The following AHCYL1 variants were observed in gnomAD, a reference collection of about 807,000 sequenced individuals.
AHCYL1 encodes adenosylhomocysteinase like 1.
In AHCYL1, 20 loss-of-function variants were observed where a neutral mutation model predicts 79.3. The observed-to-expected ratio is 0.25, with a 90% confidence interval of 0.18 to 0.37. AHCYL1 has a LOEUF of 0.37. Ranked by LOEUF, AHCYL1 falls within the 10% of genes least tolerant of loss-of-function variation. AHCYL1 has a pLI of 1.00. For synonymous variants in AHCYL1, 223 were observed against 242.2 expected (o/e 0.92, Z 0.74); for missense variants, 330 against 673.6 (o/e 0.49, Z 5.65).
At chr1:109,985,415 G>T (rs890767858) in intron 1 of AHCYL1, 1 of 1,243,166 alleles carries the variant, frequency 8.0e-7, no homozygotes, top group Non-Finnish European at 1.0e-6. Flanking sequence ...ACAGGGCCAG[G>T]CCTTAAATTT....
intron 1 of AHCYL1, among the ~76,000 whole-genome samples, chr1:110,004,876 A>G (rs918026653): frequency 6.6e-6 from 1 of 152,234 alleles, no homozygotes; most frequent in Non-Finnish European, 1.5e-5. Flanking sequence ...TAAATTAACC[A>G]GAAAATATGT....
chr1:110,005,481 C>T (rs541755054), intron 1 of AHCYL1, among the ~76,000 whole-genome samples: 1 of 152,310 alleles, frequency 6.6e-6, no homozygotes, highest in South Asian at 2.1e-4. Context: ...TTTTAAGGGA[C>T]CGTGTTTCCT....
intron 1 of AHCYL1, among the ~76,000 whole-genome samples, chr1:109,996,884 G>A (rs112473004): frequency 6.6e-6 from 1 of 152,174 alleles, no homozygotes; most frequent in Non-Finnish European, 1.5e-5. Flanking sequence ...CATGGACCCA[G>A]GGCTAAGAAC....
At chr1:110,018,729 A>G in intron 13 of AHCYL1, 79 bp downstream of exon 13, 1 of 1,280,964 alleles carries the variant, frequency 7.8e-7, no homozygotes, top group Non-Finnish European at 1.1e-6. Context: ...AGGGAAACAA[A>G]TATTAGGCCT....
Position 109,988,809 on chromosome 1 carries a change from A to G in AHCYL1, c.120+3637A>G, listed in dbSNP as rs375574215. Among the ~76,000 whole-genome samples, 13 of 152,360 alleles carry G rather than the reference A, an allele frequency of 8.5e-5. No homozygotes were observed. In the South Asian group the frequency reaches 2.5e-3, roughly 29 times the overall value. ...GGATATTCTTTATTTGAATGAAGCT[A>G]TGTGCCACTAATTCATCAAAAGGGT... On this transcript the variant is annotated intron_variant, in intron 1 of 16. Coordinates refer to ENST00000369799, the MANE Select transcript of AHCYL1 (RefSeq NM_006621.7).
intron 1 of AHCYL1, among the ~76,000 whole-genome samples, chr1:110,003,356 G>GA (rs1358159829): frequency 6.6e-6 from 1 of 152,002 alleles, no homozygotes; most frequent in Non-Finnish European, 1.5e-5. Context: ...TATAGAGAGA[G>GA]AAAAAACCTA....
At chr1:109,993,982 C>T (rs1272795555) in intron 1 of AHCYL1, among the ~76,000 whole-genome samples, 3 of 152,156 alleles carry the variant, frequency 2.0e-5, no homozygotes, top group African/African-American at 4.8e-5. Flanking sequence ...CAGCTCCGTC[C>T]GGCAGTGATG....
chr1:109,992,482 T>C (rs1258621447), intron 1 of AHCYL1, among the ~76,000 whole-genome samples: 1 of 151,174 alleles, frequency 6.6e-6, no homozygotes, highest in African/African-American at 2.4e-5. Context: ...CCACCCCTTC[T>C]CCTTTCTCAA....
chr1:109,998,353 G>T (rs1408119127), intron 1 of AHCYL1, among the ~76,000 whole-genome samples: 1 of 152,058 alleles, frequency 6.6e-6, no homozygotes, highest in Non-Finnish European at 1.5e-5. Context: ...AGGTGTGGTG[G>T]CTCTTGCCTG....
chr1:109,986,913 C>T (rs930674176), intron 1 of AHCYL1, among the ~76,000 whole-genome samples: 3 of 152,158 alleles, frequency 2.0e-5, no homozygotes, highest in Non-Finnish European at 4.4e-5. Context: ...ATCCCTTTTC[C>T]TCTCTTCTTC....
intron 1 of AHCYL1, among the ~76,000 whole-genome samples, chr1:109,991,779 A>G (rs1250686808): frequency 6.6e-6 from 1 of 152,198 alleles, no homozygotes; most frequent in East Asian, 1.9e-4. Context: ...GTAAAGGGGC[A>G]AGAGGCTGGA....
rs979618900 is a variant in AHCYL1 at position 110,018,231 on chromosome 1, G to A, written c.1124-142G>A. The A allele has an allele frequency of 7.6e-5, 69 of 903,776 alleles. 3 individuals are homozygous for A. In the South Asian group the frequency reaches 1.1e-3, roughly 14 times the overall value. The allele number at this position is 903,776 out of a possible 1,614,324, so 56.0% of individuals were successfully genotyped here. The stretch of plus-strand genomic sequence containing the variant: ...ATCTGAAGACCAGATAGCCTAAGGA[G>A]CGGTTATGCATGTCTTCTCTCAGAA... On this transcript the variant is annotated intron_variant, in intron 11 of 16. Coordinates refer to ENST00000369799, the MANE Select transcript of AHCYL1 (RefSeq NM_006621.7).
At chr1:109,985,833 G>C (rs552908857) in intron 1 of AHCYL1, among the ~76,000 whole-genome samples, 1 of 152,286 alleles carries the variant, frequency 6.6e-6, no homozygotes, top group South Asian at 2.1e-4. Flanking sequence ...GATCACTTAG[G>C]CATCCCTGGA....
At chr1:110,003,835 T>C (rs1454492583) in intron 1 of AHCYL1, 1 of 750,404 alleles carries the variant, frequency 1.3e-6, no homozygotes, top group African/African-American at 1.9e-5. Flanking sequence ...TCCTACTTAC[T>C]GCCTTTTTTC....
intron 6 of AHCYL1, 51 bp downstream of exon 6, chr1:110,014,908 T>C: frequency 6.5e-7 from 1 of 1,537,022 alleles, no homozygotes; most frequent in Non-Finnish European, 9.0e-7. Flanking sequence ...ATTTCCTTTT[T>C]TTCCCTCAAA....
At position 110,018,406 on chromosome 1, in the gene AHCYL1, A is replaced by T. The variant is rs1651560761; in HGVS notation, c.1157A>T (p.Asp386Val). ...NKNVVTREHL[D>V]RMKNSCIVCN... Reference sequence around the variant, plus strand: ...AATGTAGTGACACGGGAGCACTTGGATCGCATGAAAAACAGTTGTATCGTA... The same window carrying T: ...AATGTAGTGACACGGGAGCACTTGGTTCGCATGAAAAACAGTTGTATCGTA... The change falls in exon 12 of 17, where the codon GAT becomes GTT. Residue 386 changes from aspartate (D) to valine (V), a missense_variant. This residue lies in a region of AHCYL1 where 119 missense variants were observed against 293.3 expected (regional missense o/e 0.41). Transcript: ENST00000369799. The T allele has an allele frequency of 6.2e-7, 1 of 1,614,176 alleles. No individual in the cohort carries two copies. The highest frequency in any genetic ancestry group is 8.5e-7 in the Non-Finnish European group (1 of 1,180,026).
At chr1:110,004,468 G>C in intron 1 of AHCYL1, 2 of 985,436 alleles carry the variant, frequency 2.0e-6, no homozygotes, top group Non-Finnish European at 1.2e-6. Context: ...GTGTCTGGGA[G>C]CATTGTGTTG....
In AHCYL1 at chr1:110,014,101, G is replaced by A. The variant is rs142906031; in HGVS notation, c.581-662G>A. Among the ~76,000 whole-genome samples, 1,094 of 152,088 alleles carry A rather than the reference G, an allele frequency of 7.2e-3. 10 individuals are homozygous for A. The highest frequency in any genetic ancestry group is 0.017 in the Middle Eastern group (5 of 294). On this transcript the variant is annotated intron_variant, in intron 5 of 16. Coordinates refer to ENST00000369799, the MANE Select transcript of AHCYL1 (RefSeq NM_006621.7). ...CAGGCGTGAGACACCACACCCAGCC[G>A]GACCTCTCATCTTTTTAAGATCCTC...
intron 1 of AHCYL1, among the ~76,000 whole-genome samples, chr1:109,991,820 T>TA (rs1458478040): frequency 6.6e-6 from 1 of 152,192 alleles, no homozygotes; most frequent in Non-Finnish European, 1.5e-5. Flanking sequence ...TTCATTCACT[T>TA]AGACTTCCTG....
Sources: gnomAD v4.1 joint callset for allele counts (sites outside exome capture counted in the v4.1 genomes callset) on GRCh38, gnomAD v4.1.1 for gene constraint, gnomAD v4.1.1 regional missense constraint, MANE v1.5 for transcripts, NCBI Gene and HGNC (gene_info 2026-07-23, HGNC 2026-07-21) for gene names.